Variants in DPYD observed in about 807,000 individuals in gnomAD.
DPYD encodes dihydropyrimidine dehydrogenase.
Under a neutral mutation model 116.2 loss-of-function variants are expected in DPYD, and 109 were observed. The observed-to-expected ratio is 0.94, with a 90% CI of 0.80 to 1.10. DPYD has a LOEUF of 1.10. Among genes scored for constraint, DPYD ranks in the 50% least tolerant of loss-of-function variants. The pLI, the probability that DPYD is intolerant of heterozygous loss-of-function variation, is 0.00. For synonymous variants in DPYD, 440 were observed against 432.0 expected, an observed-to-expected ratio of 1.02 and a Z score of -0.23; for missense variants, 1,302 against 1,254.5, an observed-to-expected ratio of 1.04 and a Z score of -0.57.
intron 13 of DPYD, among the ~76,000 whole-genome samples, chr1:97,462,829 A>T (rs1677101519): frequency 6.6e-6 from 1 of 152,128 alleles, no homozygotes; most frequent in African/African-American, 2.4e-5. Flanking sequence ...TCTAGGAGAG[A>T]ATTAACTAAG....
At chr1:97,600,239 G>A (rs1240657320) in intron 8 of DPYD, among the ~76,000 whole-genome samples, 6 of 152,098 alleles carry the variant, frequency 3.9e-5, no homozygotes, top group East Asian at 1.9e-4. Flanking sequence ...GGCAAATACC[G>A]TAAGTTTTTC....
At chr1:97,502,957 T>G (rs546880664) in intron 13 of DPYD, among the ~76,000 whole-genome samples, 281 of 152,150 alleles carry the variant, frequency 1.8e-3, no homozygotes, top group African/African-American at 6.6e-3. Flanking sequence ...TTAACTAATT[T>G]ATTAACAGTC....
chr1:97,665,583 A>G (rs1659511891), intron 8 of DPYD, among the ~76,000 whole-genome samples: 1 of 152,322 alleles, frequency 6.6e-6, no homozygotes, highest in South Asian at 2.1e-4. Flanking sequence ...CCACAAAAGA[A>G]TGCATTTCTA....
At chr1:97,340,774 ATAAGT>A (rs1372243612) in intron 16 of DPYD, among the ~76,000 whole-genome samples, 5 of 152,224 alleles carry the variant, frequency 3.3e-5, no homozygotes, top group East Asian at 1.9e-4. Context: ...AAATACGTAG[ATAAGT>A]TGAGTGATAC....
chr1:97,770,018 C>T (rs4128720), intron 3 of DPYD, among the ~76,000 whole-genome samples: 2 of 152,120 alleles, frequency 1.3e-5, no homozygotes, highest in Non-Finnish European at 2.9e-5. Flanking sequence ...TACACTAAGC[C>T]TGAATGATAT....
At chr1:97,477,855 C>T (rs1015595525) in intron 13 of DPYD, among the ~76,000 whole-genome samples, 2 of 152,082 alleles carry the variant, frequency 1.3e-5, no homozygotes, top group African/African-American at 4.8e-5. Flanking sequence ...CTCCTGACCT[C>T]GTGATCCACC....
chr1:97,187,143 A>T (rs1658054531), intron 20 of DPYD, among the ~76,000 whole-genome samples: 1 of 152,138 alleles, frequency 6.6e-6, no homozygotes, highest in Admixed American at 6.6e-5. Flanking sequence ...GTTCTCTGAG[A>T]AATCTCTATA....
chr1:97,640,569 A>G (rs1320367093), intron 8 of DPYD, among the ~76,000 whole-genome samples: 1 of 152,154 alleles, frequency 6.6e-6, no homozygotes, highest in Non-Finnish European at 1.5e-5. Flanking sequence ...GAAGCCTCCC[A>G]CAGTGCTGGG....
chr1:97,650,376 AT>A (rs1658513914), intron 8 of DPYD, among the ~76,000 whole-genome samples: 1 of 152,178 alleles, frequency 6.6e-6, no homozygotes, highest in South Asian at 2.1e-4. Flanking sequence ...GTATTCAATC[AT>A]TCAACAAAAC....
chr1:97,393,581 A>G (rs1237954766), intron 14 of DPYD, among the ~76,000 whole-genome samples: 1 of 151,928 alleles, frequency 6.6e-6, no homozygotes, highest in African/African-American at 2.4e-5. Flanking sequence ...GCTCAGAATG[A>G]TGGTTTCCAG....
chr1:97,503,030 C>T (rs1389054555), intron 13 of DPYD, among the ~76,000 whole-genome samples: 1 of 151,880 alleles, frequency 6.6e-6, no homozygotes, highest in East Asian at 1.9e-4. Context: ...ACAACTGTAA[C>T]GTTTCAATAA....
chr1:97,770,890 TATC>T (rs1213033833), intron 3 of DPYD, among the ~76,000 whole-genome samples: 1 of 152,206 alleles, frequency 6.6e-6, no homozygotes, highest in African/African-American at 2.4e-5. Flanking sequence ...CAGACAATAA[TATC>T]ATAAGTATTA....
chr1:97,378,377 TGC>T (rs1263122811), intron 15 of DPYD, among the ~76,000 whole-genome samples: 1 of 152,198 alleles, frequency 6.6e-6, no homozygotes, highest in Non-Finnish European at 1.5e-5. Flanking sequence ...CATGACATAT[TGC>T]TGTCCAGATT....
chr1:97,836,911 T>A (rs1669796582), intron 2 of DPYD, among the ~76,000 whole-genome samples: 1 of 152,094 alleles, frequency 6.6e-6, no homozygotes, highest in South Asian at 2.1e-4. Context: ...TAGATAGATA[T>A]CAAATAAAAA....
chr1:97,314,490 CTTTTTT>C (rs66629750), intron 16 of DPYD, among the ~76,000 whole-genome samples: 2 of 123,414 alleles, frequency 1.6e-5, no homozygotes, highest in Admixed American at 8.6e-5. Flanking sequence ...CTAAAGCTTT[CTTTTTT>C]TTTTTTTTTT....
intron 18 of DPYD, among the ~76,000 whole-genome samples, chr1:97,257,084 C>T (rs921356914): frequency 6.6e-6 from 1 of 151,656 alleles, no homozygotes. Context: ...TTTTAACATA[C>T]CACAATGGAA....
intron 14 of DPYD, among the ~76,000 whole-genome samples, chr1:97,445,804 C>T (rs1423411506): frequency 6.7e-6 from 1 of 150,288 alleles, no homozygotes; most frequent in African/African-American, 2.5e-5. Context: ...CGGCTCACTG[C>T]AACCTCTGCC....
chr1:97,613,943 T>C (rs1393184511), intron 8 of DPYD, among the ~76,000 whole-genome samples: 22 of 152,048 alleles, frequency 1.4e-4, no homozygotes, highest in Admixed American at 1.4e-3. Context: ...TCTAATTATC[T>C]GGCTCACGAA....
chr1:97,510,015 G>A (rs1647657585), intron 13 of DPYD, among the ~76,000 whole-genome samples: 1 of 151,830 alleles, frequency 6.6e-6, no homozygotes, highest in South Asian at 2.1e-4. Flanking sequence ...AGAGGAATAG[G>A]GTGCTATAAC....
Sources: allele counts gnomAD v4.1 joint callset (sites outside exome capture counted in the v4.1 genomes callset), GRCh38; gene constraint gnomAD v4.1.1; transcripts MANE v1.5; gene names NCBI Gene and HGNC (gene_info 2026-07-23, HGNC 2026-07-21).